The following SLC24A3 variants were observed in gnomAD, a reference collection of about 807,000 sequenced individuals.
SLC24A3 encodes solute carrier family 24 member 3, also known as sodium/potassium/calcium exchanger 3.
Under a neutral mutation model 75.8 loss-of-function variants are expected in SLC24A3, and 28 were observed. The ratio of observed to expected loss-of-function variants is 0.37; its 90% confidence interval spans 0.27 to 0.51. The LOEUF is 0.51. SLC24A3 is among the 20% of genes least tolerant of loss of function. The probability of loss-of-function intolerance (pLI) is 0.94; values close to 1 mark genes in which losing one functional copy is unlikely to be tolerated. For missense variants in SLC24A3, 663 were observed against 847.8 expected (o/e 0.78, Z 2.71); for synonymous variants, 372 against 334.1 (o/e 1.11, Z -1.24).
chr20:19,568,027 T>C (rs2030988528), intron 3 of SLC24A3, among the ~76,000 whole-genome samples: 1 of 152,144 alleles, frequency 6.6e-6, no homozygotes, highest in Admixed American at 6.5e-5. Flanking sequence ...AATAAACATA[T>C]ACAAAGATGC....
chr20:19,673,543 G>T (rs2032492466), intron 8 of SLC24A3, 58 bp from the exon 9 acceptor site: 1 of 1,443,198 alleles, frequency 6.9e-7, no homozygotes. Flanking sequence ...TAAAAATGAG[G>T]CAGGTGAGTT....
intron 1 of SLC24A3, among the ~76,000 whole-genome samples, chr20:19,256,974 G>T (rs980045825): frequency 6.6e-6 from 1 of 151,870 alleles, no homozygotes; most frequent in Non-Finnish European, 1.5e-5. Context: ...TTCATGGCTC[G>T]CATTAGATTT....
At chr20:19,475,194 C>T (rs1987942089) in intron 2 of SLC24A3, among the ~76,000 whole-genome samples, 1 of 152,048 alleles carries the variant, frequency 6.6e-6, no homozygotes, top group Non-Finnish European at 1.5e-5. Context: ...AAAAAATTAG[C>T]CGGGCGTGGT....
chr20:19,551,336 G>A (rs575004856), intron 3 of SLC24A3, among the ~76,000 whole-genome samples: 2 of 152,122 alleles, frequency 1.3e-5, no homozygotes, highest in African/African-American at 4.8e-5. Flanking sequence ...GTCTACTATG[G>A]TATGATTATG....
chr20:19,300,893 C>A (rs1984179745), intron 2 of SLC24A3, among the ~76,000 whole-genome samples: 1 of 152,154 alleles, frequency 6.6e-6, no homozygotes, highest in African/African-American at 2.4e-5. Context: ...GTGGCAGCTG[C>A]TGCCTTTCTT....
At chr20:19,530,589 C>T (rs2030278755) in intron 3 of SLC24A3, among the ~76,000 whole-genome samples, 1 of 152,148 alleles carries the variant, frequency 6.6e-6, no homozygotes, top group East Asian at 1.9e-4. Context: ...GGAAAAGCTT[C>T]TTAAGGTCCA....
At chr20:19,576,302 T>C (rs1239531600) in intron 3 of SLC24A3, among the ~76,000 whole-genome samples, 1 of 152,232 alleles carries the variant, frequency 6.6e-6, no homozygotes, top group Non-Finnish European at 1.5e-5. Context: ...CTAGTTGTAT[T>C]AATAGTACCA....
At chr20:19,407,165 G>A (rs746207398) in intron 2 of SLC24A3, among the ~76,000 whole-genome samples, 10 of 152,302 alleles carry the variant, frequency 6.6e-5, no homozygotes, top group Admixed American at 3.9e-4. Context: ...ATCCAGAGAC[G>A]ATGGAGGCAT....
At chr20:19,334,112 C>T (rs543730594) in intron 2 of SLC24A3, among the ~76,000 whole-genome samples, 2 of 151,534 alleles carry the variant, frequency 1.3e-5, no homozygotes, top group Admixed American at 6.6e-5. Context: ...AAAAGTCACA[C>T]AGGAAACAAA....
chr20:19,685,420 C>T (rs2032665264), intron 12 of SLC24A3, 59 bp downstream of exon 12: 3 of 1,575,842 alleles, frequency 1.9e-6, no homozygotes, highest in Non-Finnish European at 2.6e-6. Context: ...TGAGTAGATG[C>T]CCTTGACTTA....
intron 9 of SLC24A3, among the ~76,000 whole-genome samples, chr20:19,675,458 GC>G (rs952361656): frequency 6.6e-5 from 10 of 152,230 alleles, no homozygotes; most frequent in Non-Finnish European, 1.5e-4. Context: ...ACGGACATTG[GC>G]AAATATCACA....
At chr20:19,433,357 G>A (rs1987136642) in intron 2 of SLC24A3, among the ~76,000 whole-genome samples, 1 of 152,214 alleles carries the variant, frequency 6.6e-6, no homozygotes, top group African/African-American at 2.4e-5. Context: ...TCATGCAGTG[G>A]TTTTAATGAA....
intron 1 of SLC24A3, among the ~76,000 whole-genome samples, chr20:19,264,736 A>C (rs921455799): frequency 1.9e-4 from 28 of 151,126 alleles, no homozygotes; most frequent in African/African-American, 6.8e-4. Context: ...CTCAAAAAAA[A>C]AAAAAAAAAC....
intron 13 of SLC24A3, chr20:19,696,339 A>G (rs931980518): frequency 1.3e-5 from 2 of 154,566 alleles, no homozygotes; most frequent in Non-Finnish European, 2.9e-5. Context: ...GCCTTTTCTA[A>G]CAAGTATGGA....
Position 19,245,531 on chromosome 20 carries a change from C to T in SLC24A3, c.142+32547C>T, listed in dbSNP as rs376175657. Among the ~76,000 whole-genome samples the T allele has an allele frequency of 2.1e-3, 313 of 151,992 alleles. 9 individuals are homozygous for T. In the South Asian group the frequency reaches 0.058, roughly 28 times the overall value. On this transcript the variant is annotated intron_variant, in intron 1 of 16. Coordinates refer to ENST00000328041, the MANE Select transcript of SLC24A3 (RefSeq NM_020689.4). Reference sequence around the variant, plus strand: ...TGAAATTTAATTTTATTAAATGAAACGTTTGTGTTAAAATTTATGGAGAAT... The same window carrying T: ...TGAAATTTAATTTTATTAAATGAAATGTTTGTGTTAAAATTTATGGAGAAT...
chr20:19,293,069 T>TAC (rs386393472), intron 2 of SLC24A3, among the ~76,000 whole-genome samples: 1 of 151,782 alleles, frequency 6.6e-6, no homozygotes, highest in Non-Finnish European at 1.5e-5. Flanking sequence ...GGGGGGAACA[T>TAC]AAGCATGAAG....
At chr20:19,429,746 TC>T (rs1314109398) in intron 2 of SLC24A3, among the ~76,000 whole-genome samples, 1 of 152,166 alleles carries the variant, frequency 6.6e-6, no homozygotes, top group Non-Finnish European at 1.5e-5. Flanking sequence ...AAATCTGTGC[TC>T]CTAGGGTAGC....
chr20:19,385,664 C>T (rs1448864942), intron 2 of SLC24A3, among the ~76,000 whole-genome samples: 1 of 148,312 alleles, frequency 6.7e-6, no homozygotes, highest in Non-Finnish European at 1.5e-5. Flanking sequence ...TTTTCTGAGA[C>T]AGGGTCTCAC....
intron 2 of SLC24A3, among the ~76,000 whole-genome samples, chr20:19,471,400 G>T (rs1272126638): frequency 1.3e-5 from 2 of 152,148 alleles, no homozygotes; most frequent in South Asian, 4.1e-4. Context: ...CTTCCTTAGG[G>T]TTCATTGCTA....
Sources: allele counts gnomAD v4.1 joint callset (sites outside exome capture counted in the v4.1 genomes callset), GRCh38; gene constraint gnomAD v4.1.1; transcripts MANE v1.5; gene names NCBI Gene and HGNC (gene_info 2026-07-23, HGNC 2026-07-21).